IMPG1: variants seen among roughly 807,000 people sequenced by gnomAD.
IMPG1 encodes the protein interphotoreceptor matrix proteoglycan 1, also known as interphotoreceptor matrix proteoglycan of 150 kDa.
Under a neutral mutation model 92.0 loss-of-function variants are expected in IMPG1, and 85 were observed. That is an observed-to-expected ratio of 0.92 (90% CI 0.78 to 1.11). The LOEUF (loss-of-function observed/expected upper bound fraction) is 1.11. Ranked by LOEUF, IMPG1 falls within the 50% of genes least tolerant of loss-of-function variation. The pLI, the probability that IMPG1 is intolerant of heterozygous loss-of-function variation, is 0.00. For synonymous variants in IMPG1, 367 were observed against 334.1 expected (o/e 1.10, Z -1.08); for missense variants, 1,022 against 956.0 (o/e 1.07, Z -0.91).
At chr6:76,067,829 G>T (rs936796947) in intron 1 of IMPG1, among the ~76,000 whole-genome samples, 1 of 152,014 alleles carries the variant, frequency 6.6e-6, no homozygotes, top group East Asian at 1.9e-4. Flanking sequence ...ACAAGAAAAA[G>T]ACAATAACCA....
chr6:76,072,516 A>C lies in IMPG1; in HGVS notation c.-28T>G, dbSNP rs776753750. ...TGGCTTTTGTGCATTGGTAATTCTGATAACAATCACAGAACAACCTCAAAT... is the reference window on the plus strand; with the variant it reads ...TGGCTTTTGTGCATTGGTAATTCTGCTAACAATCACAGAACAACCTCAAAT... On this transcript the variant is annotated 5_prime_UTR_variant, in exon 1 of 17. Transcript: ENST00000369950. The C allele has an allele frequency of 4.3e-5, 60 of 1,389,804 alleles. No individual in the cohort carries two copies. In the East Asian group the frequency reaches 1.4e-3, roughly 31 times the overall value. The allele number at this position is 1,389,804 out of a possible 1,614,324, so 86.1% of individuals were successfully genotyped here. A position where few individuals can be genotyped will look rare whatever the true frequency, so the allele number is the denominator to read the frequency against.
intron 12 of IMPG1, among the ~76,000 whole-genome samples, chr6:75,976,702 G>C (rs571375168): frequency 7.5e-4 from 114 of 152,158 alleles, no homozygotes; most frequent in African/African-American, 2.6e-3. Flanking sequence ...ACAAGGTCAG[G>C]AGATCAAGAC....
intron 15 of IMPG1, among the ~76,000 whole-genome samples, chr6:75,925,095 G>A (rs1781528566): frequency 6.6e-6 from 1 of 151,804 alleles, no homozygotes; most frequent in South Asian, 2.1e-4. Context: ...TTTCAAAATA[G>A]CTAGAAGAGA....
At chr6:76,052,924 C>T (rs1470898950) in intron 1 of IMPG1, among the ~76,000 whole-genome samples, 1 of 152,170 alleles carries the variant, frequency 6.6e-6, no homozygotes, top group African/African-American at 2.4e-5. Flanking sequence ...AGATTTCATA[C>T]ATGGCTGCCT....
At chr6:75,988,872 G>A (rs1205795045) in intron 12 of IMPG1, among the ~76,000 whole-genome samples, 4 of 152,116 alleles carry the variant, frequency 2.6e-5, no homozygotes, top group Non-Finnish European at 5.9e-5. Context: ...TTTTATGGAT[G>A]TCTTGCTCAG....
At chr6:76,040,172 G>C (rs933534796) in intron 2 of IMPG1, among the ~76,000 whole-genome samples, 2 of 152,226 alleles carry the variant, frequency 1.3e-5, no homozygotes, top group African/African-American at 4.8e-5. Context: ...CATTGCTGTG[G>C]GGAGAAAAAC....
chr6:75,931,225 G>C, intron 14 of IMPG1, 74 bp from the exon 15 acceptor site: 1 of 1,380,228 alleles, frequency 7.2e-7, no homozygotes, highest in Non-Finnish European at 1.0e-6. Context: ...TCAAAGGCAA[G>C]AGACCAAATA....
At chr6:75,973,832 T>A (rs1050457926) in intron 12 of IMPG1, among the ~76,000 whole-genome samples, 7 of 152,208 alleles carry the variant, frequency 4.6e-5, no homozygotes, top group African/African-American at 1.7e-4. Context: ...CATAGGGTAC[T>A]TTGGGAGGCA....
intron 1 of IMPG1, among the ~76,000 whole-genome samples, chr6:76,057,717 G>T (rs903401222): frequency 3.4e-4 from 52 of 152,178 alleles, no homozygotes; most frequent in African/African-American, 1.3e-3. Flanking sequence ...AGGTGGGGGG[G>T]TGGCTAAAAC....
At chr6:76,052,988 T>C (rs1337923304) in intron 1 of IMPG1, among the ~76,000 whole-genome samples, 4 of 152,118 alleles carry the variant, frequency 2.6e-5, no homozygotes, top group Admixed American at 2.6e-4. Flanking sequence ...AGCTGGACTT[T>C]TCCATACCCC....
At chr6:76,013,773 T>G (rs1783233033) in intron 7 of IMPG1, among the ~76,000 whole-genome samples, 1 of 152,242 alleles carries the variant, frequency 6.6e-6, no homozygotes, top group Non-Finnish European at 1.5e-5. Flanking sequence ...ACCATTCCAC[T>G]GTGTTGTCAC....
chr6:76,068,326 T>C (rs1160911876), intron 1 of IMPG1, among the ~76,000 whole-genome samples: 1 of 152,082 alleles, frequency 6.6e-6, no homozygotes, highest in Admixed American at 6.6e-5. Context: ...ATTTGACAGA[T>C]GAACTCAGTA....
intron 1 of IMPG1, among the ~76,000 whole-genome samples, chr6:76,068,837 A>C (rs1483394868): frequency 6.6e-6 from 1 of 152,052 alleles, no homozygotes; most frequent in Non-Finnish European, 1.5e-5. Context: ...TTCTTAAAAC[A>C]ATCCCCGAAT....
At chr6:76,012,138 A>G (rs972773761) in intron 7 of IMPG1, among the ~76,000 whole-genome samples, 15 of 152,230 alleles carry the variant, frequency 9.9e-5, no homozygotes, top group South Asian at 8.3e-4. Context: ...TTACTCTTAG[A>G]TTCATATGGA....
intron 12 of IMPG1, among the ~76,000 whole-genome samples, chr6:75,999,837 C>T (rs1241370604): frequency 2.0e-5 from 3 of 152,216 alleles, no homozygotes; most frequent in Non-Finnish European, 4.4e-5. Flanking sequence ...GAAGGTTAGA[C>T]AGCACAGCTA....
chr6:75,983,139 T>A (rs1178365252), intron 12 of IMPG1, among the ~76,000 whole-genome samples: 11 of 151,750 alleles, frequency 7.2e-5, no homozygotes, highest in Admixed American at 7.2e-4. Flanking sequence ...TTATTGAAAC[T>A]GATAGATTTG....
At chr6:76,065,928 C>G (rs958479995) in intron 1 of IMPG1, among the ~76,000 whole-genome samples, 2 of 152,018 alleles carry the variant, frequency 1.3e-5, no homozygotes, top group African/African-American at 2.4e-5. Flanking sequence ...TATTTTCAGA[C>G]TGCATAAAGA....
chr6:76,009,210 T>C (rs888442044), intron 8 of IMPG1, among the ~76,000 whole-genome samples: 2 of 152,210 alleles, frequency 1.3e-5, no homozygotes, highest in Non-Finnish European at 2.9e-5. Flanking sequence ...CCAACAAGAC[T>C]GCATGATTGT....
intron 8 of IMPG1, among the ~76,000 whole-genome samples, chr6:76,008,745 G>T (rs1783137468): frequency 6.6e-6 from 1 of 152,046 alleles, no homozygotes; most frequent in South Asian, 2.1e-4. Flanking sequence ...AAACAAATGG[G>T]ACATATTTAT....
Sources: allele counts gnomAD v4.1 joint callset (sites outside exome capture counted in the v4.1 genomes callset), GRCh38; gene constraint gnomAD v4.1.1; transcripts MANE v1.5; gene names NCBI Gene and HGNC (gene_info 2026-07-23, HGNC 2026-07-21).